The following SWAP70 variants were observed in gnomAD, a reference collection of about 807,000 sequenced individuals.
SWAP70 encodes the protein switching B cell complex subunit SWAP70, also known as switch-associated protein 70.
A neutral mutation model predicts 80.2 loss-of-function variants in SWAP70; 34 were observed. The ratio of observed to expected loss-of-function variants is 0.42; its 90% CI spans 0.32 to 0.56. SWAP70 has a LOEUF of 0.56. SWAP70 is among the 20% of genes least tolerant of loss of function. The pLI, the probability that SWAP70 is intolerant of heterozygous loss-of-function variation, is 0.09. For synonymous variants in SWAP70, 239 were observed against 238.5 expected, an observed-to-expected ratio of 1.00 and a Z score of -0.02; for missense variants, 578 against 690.7, an observed-to-expected ratio of 0.84 and a Z score of 1.83.
Position 9,749,054 on chromosome 11 carries a change from G to A in SWAP70, c.1555-33G>A, listed in dbSNP as rs746905794. 1.4e-5 allele frequency: 20 copies of A among 1,456,582 alleles called. 1 individual carries two copies. The South Asian group carries it at 2.0e-4, about 14-fold the overall frequency. 90.2% of individuals were successfully genotyped at this position (1,456,582 alleles called of 1,614,324 possible). On this transcript the variant is annotated intron_variant, in intron 10 of 11. Transcript: ENST00000318950. ...GATTTGGTTCTTAAACTACCCGTGTGTCTGCATAGTCCAAAATCCACTTTT... is the reference window on the plus strand; with the variant it reads ...GATTTGGTTCTTAAACTACCCGTGTATCTGCATAGTCCAAAATCCACTTTT...
chr11:9,702,561 T>C (rs1200421127), intron 2 of SWAP70, among the ~76,000 whole-genome samples: 4 of 152,034 alleles, frequency 2.6e-5, no homozygotes, highest in African/African-American at 9.7e-5. Context: ...GTAGCTGGAA[T>C]TACATGTGTG....
At chr11:9,697,606 G>C (rs1057404373) in intron 2 of SWAP70, among the ~76,000 whole-genome samples, 2 of 152,040 alleles carry the variant, frequency 1.3e-5, no homozygotes, top group Non-Finnish European at 2.9e-5. Flanking sequence ...GAAACCACGA[G>C]AAATATTTTT....
chr11:9,703,392 C>G (rs1441135093), intron 2 of SWAP70: 1 of 456,242 alleles, frequency 2.2e-6, no homozygotes, highest in African/African-American at 2.0e-5. Context: ...TCTCTGTTCC[C>G]CAGATTACCA....
At chr11:9,691,176 C>A (rs910438567) in intron 1 of SWAP70, among the ~76,000 whole-genome samples, 1 of 152,128 alleles carries the variant, frequency 6.6e-6, no homozygotes, top group Admixed American at 6.5e-5. Context: ...TTTCAGCCCC[C>A]CAGAGTGCTA....
Position 9,672,195 on chromosome 11 carries a change from CTATATA to C in SWAP70, c.99+7945_99+7950del, listed in dbSNP as rs57590750. ...TATATATATACATATATGTGTGTGTCTATATATATATATATATATATATATATATAT... is the reference window on the plus strand; with the variant it reads ...TATATATATACATATATGTGTGTGTCTATATATATATATATATATATATAT... On this transcript the variant is annotated intron_variant, in intron 1 of 11. Coordinates refer to ENST00000318950, the MANE Select transcript of SWAP70 (RefSeq NM_015055.4). Among the ~76,000 whole-genome samples the C allele has an allele frequency of 2.0e-3, 153 of 78,414 alleles. 2 individuals carry two copies. The highest frequency in any genetic ancestry group is 4.2e-3 in the Admixed American group (20 of 4,732). The allele number at this position is 78,414 out of a possible 152,430, so 51.4% of individuals were successfully genotyped here. A position where few individuals can be genotyped will look rare whatever the true frequency, so the allele number is the denominator to read the frequency against.
In SWAP70 at chr11:9,664,297, G is replaced by A. The variant is rs1470343769; in HGVS notation, c.99+19G>A. On this transcript the variant is annotated intron_variant, in intron 1 of 11. Coordinates refer to ENST00000318950, the MANE Select transcript of SWAP70 (RefSeq NM_015055.4). ...GCTCAAGGTGGGCGCCTCCTGACCC[G>A]GCCCCCCACCCGACCCTCCCCGGCG... The A allele has an allele frequency of 1.9e-6, 3 of 1,549,224 alleles. No individual in the cohort carries two copies. In the African/African-American group the frequency reaches 4.1e-5, roughly 21 times the overall value.
At position 9,724,711 on chromosome 11, in the gene SWAP70, A is replaced by G. The variant is rs1460737624; in HGVS notation, c.468A>G (p.Gln156=). ...AAGCTATGGGAGGAGGTTGGCAGCA[A>G]GAACAATTTGAACATTATAAAATCA... ...LTEAMGGGWQ[Q]EQFEHYKINF... Residue 156 remains glutamine (Q), a synonymous_variant, in exon 4 of 12, where the codon CAA becomes CAG. Transcript: ENST00000318950. 9 of 1,614,066 alleles carry G rather than the reference A, an allele frequency of 5.6e-6. No individual in the cohort carries two copies. Among genetic ancestry groups the G allele is most frequent in the Non-Finnish European group, 7.6e-6 (9 of 1,180,028 alleles).
intron 6 of SWAP70, among the ~76,000 whole-genome samples, 164 bp from the exon 7 acceptor site, chr11:9,732,365 G>A (rs1851308868): frequency 6.6e-6 from 1 of 152,170 alleles, no homozygotes; most frequent in Non-Finnish European, 1.5e-5. Flanking sequence ...AAGAGGTTAT[G>A]TGACTGCTCA....
In SWAP70 at chr11:9,728,156, A is replaced by G. The variant is rs766174159; in HGVS notation, c.746A>G (p.Asp249Gly). 1.9e-6 allele frequency: 3 copies of G among 1,612,952 alleles called. No individual in the cohort carries two copies. The highest frequency in any genetic ancestry group is 2.2e-5 in the South Asian group (2 of 90,928). The change falls in exon 5 of 12, where the codon GAT becomes GGT. Residue 249 changes from aspartate (D) to glycine (G), a missense_variant. Physicochemically the swap from Asp to Gly is moderately conservative, Grantham distance 94. Transcript: ENST00000318950. ...TACTATGTGAGTGAGGATCTGAAGGATAAGAAAGGAGACATTCTCTTGGAT... is the reference window on the plus strand; with the variant it reads ...TACTATGTGAGTGAGGATCTGAAGGGTAAGAAAGGAGACATTCTCTTGGAT... ...ISYYVSEDLK[D>G]KKGDILLDEN...
chr11:9,724,578 T>C (rs567228231), intron 3 of SWAP70, 80 bp from the exon 4 acceptor site: 19 of 1,039,302 alleles, frequency 1.8e-5, no homozygotes, highest in Admixed American at 2.6e-5. Context: ...GTTGAACTTA[T>C]CAGTGTTTAT....
chr11:9,673,921 A>G (rs574119039), intron 1 of SWAP70, among the ~76,000 whole-genome samples: 1 of 151,730 alleles, frequency 6.6e-6, no homozygotes, highest in African/African-American at 2.4e-5. Context: ...TTTGTTTGAG[A>G]TGGAATCCCG....
intron 9 of SWAP70, among the ~76,000 whole-genome samples, chr11:9,744,632 G>T (rs1474742713): frequency 6.6e-6 from 1 of 152,166 alleles, no homozygotes; most frequent in East Asian, 1.9e-4. Flanking sequence ...TTATTGGCCG[G>T]ACATGGTGGC....
At chr11:9,714,541 A>G (rs2133797284) in intron 3 of SWAP70, among the ~76,000 whole-genome samples, 1 of 152,314 alleles carries the variant, frequency 6.6e-6, no homozygotes, top group African/African-American at 2.4e-5. Context: ...GTCTTAAGAA[A>G]TGCACACTTT....
chr11:9,739,374 G>A (rs371748035), intron 8 of SWAP70, among the ~76,000 whole-genome samples: 2 of 152,354 alleles, frequency 1.3e-5, no homozygotes, highest in Admixed American at 6.5e-5. Context: ...CAAATGTGAT[G>A]TAGAGAAACA....
chr11:9,748,753 G>A (rs557166913), intron 10 of SWAP70, among the ~76,000 whole-genome samples: 33 of 152,330 alleles, frequency 2.2e-4, no homozygotes, highest in Admixed American at 1.8e-3. Flanking sequence ...TGGATTTGGA[G>A]TGGAGAGGCA....
intron 1 of SWAP70, among the ~76,000 whole-genome samples, chr11:9,672,390 G>A (rs1850429854): frequency 1.3e-5 from 2 of 150,530 alleles, no homozygotes; most frequent in East Asian, 3.9e-4. Flanking sequence ...TTTGAGACAG[G>A]GTCTCACTCT....
rs1313528902 is a variant in SWAP70, at chr11:9,694,302, T to C, written c.240+16T>C. ...TTTGGAAAAGGTATGATTCTAACCT[T>C]TTTTTGGGTGTAGCATTGTTTGGTT... is the stretch of plus-strand genomic sequence containing the variant. On this transcript the variant is annotated intron_variant, in intron 2 of 11. Transcript: ENST00000318950. 1 of 1,603,830 alleles carries C rather than the reference T, an allele frequency of 6.2e-7. No individual in the cohort carries two copies. Among genetic ancestry groups the C allele is most frequent in the Non-Finnish European group, 8.5e-7 (1 of 1,175,224 alleles).
chr11:9,747,217 T>C (rs947350358), intron 9 of SWAP70, among the ~76,000 whole-genome samples: 10 of 152,240 alleles, frequency 6.6e-5, no homozygotes, highest in African/African-American at 1.9e-4. Flanking sequence ...TTAAACCCTT[T>C]GGTTTTTCAT....
rs555551487 is a variant in SWAP70, at chr11:9,699,550, A to G, written c.240+5264A>G. Among the ~76,000 whole-genome samples, 14 of 152,178 alleles carry G rather than the reference A, an allele frequency of 9.2e-5. No individual in the cohort carries two copies. The South Asian group carries it at 2.7e-3, about 29-fold the overall frequency. The stretch of plus-strand genomic sequence containing the variant: ...AAATACTTGATGGCCTGCTGTGTGT[A>G]TGTGTGTTTAATGATAGACACTGGT... On this transcript the variant is annotated intron_variant, in intron 2 of 11. Coordinates refer to ENST00000318950, the MANE Select transcript of SWAP70 (RefSeq NM_015055.4).
Sources: allele counts gnomAD v4.1 joint callset (sites outside exome capture counted in the v4.1 genomes callset), GRCh38; gene constraint gnomAD v4.1.1; transcripts MANE v1.5; gene names NCBI Gene and HGNC (gene_info 2026-07-23, HGNC 2026-07-21).